LTN1: variants seen among roughly 807,000 people sequenced by gnomAD.
LTN1 encodes the protein E3 ubiquitin-protein ligase listerin.
Under a neutral mutation model 201.2 loss-of-function variants are expected in LTN1, and 88 were observed. That is an observed-to-expected ratio of 0.44 (90% CI 0.37 to 0.52). The LOEUF is 0.52. Ranked by LOEUF, LTN1 falls within the 20% of genes least tolerant of loss-of-function variation. LTN1 has a pLI of 0.00. For missense variants in LTN1, 1,752 were observed against 2,038.7 expected (o/e 0.86, Z 2.71); for synonymous variants, 645 against 713.5 (o/e 0.90, Z 1.53).
At chr21:28,936,787 C>T in intron 25 of LTN1, 90 bp from the exon 26 acceptor site, 2 of 927,324 alleles carry the variant, frequency 2.2e-6, no homozygotes, top group Non-Finnish European at 3.3e-6. Context: ...AATTTCCTTT[C>T]CTCATAAACT....
At chr21:28,974,711 CAGA>C (rs1305060355) in intron 6 of LTN1, among the ~76,000 whole-genome samples, 1 of 152,172 alleles carries the variant, frequency 6.6e-6, no homozygotes, top group East Asian at 1.9e-4. Flanking sequence ...GAGAGGGCCA[CAGA>C]AAGGAACCCC....
chr21:28,952,064 T>G, intron 18 of LTN1, 96 bp downstream of exon 18: 1 of 656,632 alleles, frequency 1.5e-6, no homozygotes, highest in Non-Finnish European at 2.6e-6. Context: ...CCTAAACCTG[T>G]TTTCTTGATT....
chr21:28,969,348 T>C (rs2084553947), intron 9 of LTN1, 118 bp downstream of exon 9: 2 of 828,544 alleles, frequency 2.4e-6, no homozygotes, highest in African/African-American at 3.5e-5. Context: ...ATTGGTAAAT[T>C]ATAAAAATAA....
intron 25 of LTN1, among the ~76,000 whole-genome samples, chr21:28,937,658 T>A (rs1387402844): frequency 6.6e-6 from 1 of 152,146 alleles, no homozygotes; most frequent in Admixed American, 6.5e-5. Context: ...AGGATGAACA[T>A]CCCAAATCTG....
chr21:28,969,381 T>A (rs1401569642), intron 9 of LTN1, 85 bp downstream of exon 9: 1 of 1,146,898 alleles, frequency 8.7e-7, no homozygotes, highest in Non-Finnish European at 1.2e-6. Flanking sequence ...GAAGGCTTAT[T>A]ACTGTAAATG....
intron 16 of LTN1, among the ~76,000 whole-genome samples, chr21:28,954,827 T>C (rs77249752): frequency 0.024 from 3,685 of 152,196 alleles, 153 homozygotes; most frequent in African/African-American, 0.084. Flanking sequence ...ACTGAAACTA[T>C]ATAAAACAAC....
In LTN1 at chr21:28,952,380, A is replaced by G. The variant is rs867433618; in HGVS notation, c.3240-116T>C. 8.5e-5 allele frequency: 51 copies of G among 599,168 alleles called. No homozygotes were observed. In the Middle Eastern group the frequency reaches 4.6e-3, roughly 55 times the overall value. The allele number at this position is 599,168 out of a possible 1,614,324, so 37.1% of individuals were successfully genotyped here. On this transcript the variant is annotated intron_variant, in intron 17 of 29. Coordinates refer to ENST00000361371, the MANE Select transcript of LTN1 (RefSeq NM_015565.3). ...ATTAAATAAAGCACCTTGTGATGGC[A>G]TCAATTCACCTAAGACTTTGCACCC... is the stretch of plus-strand genomic sequence containing the variant.
At chr21:28,936,181 C>T (rs2084255405) in intron 26 of LTN1, among the ~76,000 whole-genome samples, 1 of 152,138 alleles carries the variant, frequency 6.6e-6, no homozygotes, top group South Asian at 2.1e-4. Flanking sequence ...CATATCTGTC[C>T]TCTCAGCTCA....
At chr21:28,936,991 T>C (rs1336489392) in intron 25 of LTN1, among the ~76,000 whole-genome samples, 3 of 152,150 alleles carry the variant, frequency 2.0e-5, no homozygotes, top group Non-Finnish European at 2.9e-5. Flanking sequence ...GCCCTTAACC[T>C]TTCAAATTCC....
chr21:28,956,900 A>G lies in LTN1; in HGVS notation c.2941T>C (p.Cys981Arg), dbSNP rs1317650025. The G allele has an allele frequency of 6.2e-7, 1 of 1,609,254 alleles. No homozygotes were observed. Among genetic ancestry groups the G allele is most frequent in the Admixed American group, 1.7e-5 (1 of 59,196 alleles). Residue 981 changes from cysteine (C) to arginine (R), a missense_variant, in exon 16 of 30, where the codon TGT becomes CGT. By Grantham distance (180) the Cys-to-Arg change is radical. Coordinates refer to ENST00000361371, the MANE Select transcript of LTN1 (RefSeq NM_015565.3). The stretch of plus-strand genomic sequence containing the variant: ...TGTTCCTTAAAATCTGTTTTGAAAC[A>G]TTCATAATTCAAACTCAATCTTCCC... Reference protein sequence around the residue: ...LEGRLSLNYECFKTDFKEQDI... With the variant: ...LEGRLSLNYERFKTDFKEQDI...
chr21:28,989,831 A>G (rs2084731153), intron 1 of LTN1, among the ~76,000 whole-genome samples: 2 of 152,098 alleles, frequency 1.3e-5, no homozygotes. Context: ...CCTAGCCAAC[A>G]TGGCAAAACC....
At chr21:28,942,457 C>A (rs1244620405) in intron 24 of LTN1, among the ~76,000 whole-genome samples, 1 of 152,104 alleles carries the variant, frequency 6.6e-6, no homozygotes, top group Non-Finnish European at 1.5e-5. Flanking sequence ...TTATTATAGG[C>A]CAGGAAGCAT....
At chr21:28,961,826 C>T (rs1036824370) in intron 11 of LTN1, among the ~76,000 whole-genome samples, 1 of 152,160 alleles carries the variant, frequency 6.6e-6, no homozygotes, top group African/African-American at 2.4e-5. Flanking sequence ...GACCAACCAA[C>T]ACGGTGAAAC....
At position 28,957,420 on chromosome 21, in the gene LTN1, T is replaced by C. The variant is rs148663452; in HGVS notation, c.2804A>G (p.Glu935Gly). The C allele has an allele frequency of 5.0e-6, 8 of 1,606,422 alleles. No individual in the cohort carries two copies. The African/African-American group carries it at 1.1e-4, about 22-fold the overall frequency. The change falls in exon 15 of 30, where the codon GAA becomes GGA. Residue 935 changes from glutamate (E) to glycine (G), a missense_variant. Coordinates refer to ENST00000361371, the MANE Select transcript of LTN1 (RefSeq NM_015565.3). Reference protein sequence around the residue: ...DDLLNTLLESEDSYLMGVYIG... With the variant: ...DDLLNTLLESGDSYLMGVYIG... ...ATAAACTCCCATAAGATAAGAATCT[T>C]CACTCTCTAGAAGTGTATTTAGCAA...
At position 28,967,176 on chromosome 21, in the gene LTN1, T is replaced by C; in HGVS notation, c.1315A>G (p.Ile439Val). The C allele has an allele frequency of 6.3e-7, 1 of 1,598,750 alleles. No homozygotes were observed. Among genetic ancestry groups the C allele is most frequent in the Non-Finnish European group, 8.5e-7 (1 of 1,173,620 alleles). ...IEQMLVNDQL[I>V]PFIDAVLKDP... is the part of the protein sequence containing the mutation. ...TTGAGAACTGCATCAATAAAAGGGATCAACTGAAAGAAAAGGTAGAATATC... is the reference window on the plus strand; with the variant it reads ...TTGAGAACTGCATCAATAAAAGGGACCAACTGAAAGAAAAGGTAGAATATC... Residue 439 changes from isoleucine to valine, a missense_variant, in exon 10 of 30, where the codon ATC (isoleucine) becomes GTC (valine). By Grantham distance (29) the Ile-to-Val change is conservative. Around this residue, in one of 3 missense-constraint regions of LTN1, gnomAD observed 1,211 missense variants for 1,312.8 expected, o/e 0.92. Coordinates refer to ENST00000361371, the MANE Select transcript of LTN1 (RefSeq NM_015565.3).
Position 28,989,073 on chromosome 21 carries a change from C to G in LTN1, c.43-2139G>C, listed in dbSNP as rs540997630. ...AATTAATATTAATTATTCAATTCAC[C>G]TTTCTCAATATTGGTACATGAATAA... On this transcript the variant is annotated intron_variant, in intron 1 of 29. Coordinates refer to ENST00000361371, the MANE Select transcript of LTN1 (RefSeq NM_015565.3). Among the ~76,000 whole-genome samples the G allele has an allele frequency of 2.0e-5, 3 of 152,054 alleles. No homozygotes were observed. The South Asian group carries it at 6.2e-4, about 32-fold the overall frequency.
intron 18 of LTN1, among the ~76,000 whole-genome samples, chr21:28,949,057 AT>A (rs2084363496): frequency 6.6e-6 from 1 of 152,216 alleles, no homozygotes; most frequent in South Asian, 2.1e-4. Context: ...ATTCTCGGCA[AT>A]ATAGTGGATA....
Position 28,966,362 on chromosome 21 carries a change from A to G in LTN1, c.2121+8T>C. The G allele has an allele frequency of 1.3e-6, 2 of 1,581,890 alleles. No individual in the cohort carries two copies. Among genetic ancestry groups the G allele is most frequent in the East Asian group, 4.5e-5 (2 of 44,668 alleles). ...CAAATAGTTTGAAAAGATATACAAC[A>G]GGAATACCTTGGTTAGATCATCCAA... is the stretch of plus-strand genomic sequence containing the variant. On this transcript the variant is annotated splice_region_variant and intron_variant, in intron 10 of 29. Transcript: ENST00000361371.
intron 26 of LTN1, 107 bp from the exon 27 acceptor site, chr21:28,935,436 G>T (rs2084247061): frequency 1.4e-6 from 1 of 693,062 alleles, no homozygotes; most frequent in African/African-American, 1.8e-5. Flanking sequence ...CTCAACAATA[G>T]TGCTATAGCT....
Sources: gnomAD v4.1 joint callset for allele counts (sites outside exome capture counted in the v4.1 genomes callset) on GRCh38, gnomAD v4.1.1 for gene constraint, gnomAD v4.1.1 regional missense constraint, MANE v1.5 for transcripts, NCBI Gene and HGNC (gene_info 2026-07-23, HGNC 2026-07-21) for gene names.